Variants in ZNF740 observed in about 807,000 individuals in gnomAD.
ZNF740 encodes zinc finger protein 740.
A neutral mutation model predicts 24.8 loss-of-function variants in ZNF740; 14 were observed. That is an observed-to-expected ratio of 0.56 (90% CI 0.37 to 0.88). The LOEUF (loss-of-function observed/expected upper bound fraction) is 0.88. Among genes scored for constraint, ZNF740 ranks in the 40% least tolerant of loss-of-function variants. The pLI is 0.00. For synonymous variants in ZNF740, 69 were observed against 84.0 expected, an observed-to-expected ratio of 0.82 and a Z score of 0.98; for missense variants, 201 against 247.9, an observed-to-expected ratio of 0.81 and a Z score of 1.27.
Position 53,184,968 on chromosome 12 carries a change from C to G in ZNF740, c.87C>G (p.Ser29Arg), listed in dbSNP as rs377728464. The G allele has an allele frequency of 8.7e-6, 14 of 1,614,006 alleles. No homozygotes were observed. Among genetic ancestry groups the G allele is most frequent in the Non-Finnish European group, 1.1e-5 (13 of 1,179,894 alleles). The change falls in exon 3 of 7, where the codon AGC becomes AGG. Residue 29 changes from serine (S) to arginine (R), a missense_variant. Physicochemically the swap from Ser to Arg is moderately radical, Grantham distance 110. Coordinates refer to ENST00000416904, the MANE Select transcript of ZNF740 (RefSeq NM_001004304.4). ...PTAASKKMML[S>R]QIASKQAENG... The stretch of plus-strand genomic sequence containing the variant: ...CAGCCAGCAAGAAGATGATGCTGAG[C>G]CAGATTGCCAGCAAGCAGGCCGAGA...
At chr12:53,181,521 G>T in intron 1 of ZNF740, 156 bp from the exon 2 acceptor site, 3 of 984,058 alleles carry the variant, frequency 3.0e-6, no homozygotes, top group Non-Finnish European at 3.6e-6. Flanking sequence ...CAGGAGACCA[G>T]TTCCTCCTAT....
rs989532013 is a variant in ZNF740 at position 53,192,983 on chromosome 12, C to T, written c.*5393C>T. ...GTTGGCCATCATGTGGCACGACAAG[C>T]CCACGCATCCAATCTTTTTGAAGTA... On this transcript the variant is annotated 3_prime_UTR_variant, in exon 7 of 7. Transcript: ENST00000416904. The T allele has an allele frequency of 8.2e-6, 12 of 1,469,948 alleles. No homozygotes were observed. Among genetic ancestry groups the T allele is most frequent in the Admixed American group, 1.8e-5 (1 of 55,694 alleles). The allele number at this position is 1,469,948 out of a possible 1,614,324, so 91.1% of individuals were successfully genotyped here.
Position 53,191,858 on chromosome 12 carries a change from C to T in ZNF740, c.*4268C>T. On this transcript the variant is annotated 3_prime_UTR_variant, in exon 7 of 7. Coordinates refer to ENST00000416904, the MANE Select transcript of ZNF740 (RefSeq NM_001004304.4). ...GGGGCCTAACCAGGAAGTCTCCTCA[C>T]CTGCTTCCAGTTGAGTTGTTGCTGC... is the stretch of plus-strand genomic sequence containing the variant. 3 of 1,613,592 alleles carry T rather than the reference C, an allele frequency of 1.9e-6. No homozygotes were observed. Among genetic ancestry groups the T allele is most frequent in the Non-Finnish European group, 2.5e-6 (3 of 1,179,952 alleles).
intron 2 of ZNF740, 128 bp from the exon 3 acceptor site, chr12:53,184,763 T>C (rs2121528735): frequency 1.8e-6 from 2 of 1,090,918 alleles, no homozygotes. Context: ...GCTTTGGCAG[T>C]GAGGAGGGAC....
rs1297383104 is a variant in ZNF740, at chr12:53,188,885, CG to C, written c.*1298del. ...CCTTGTCCACTCCCAAAAAAGTAAT[CG>C]GGTGTGTGTGTGTGTGTGAGAGAGA... On this transcript the variant is annotated 3_prime_UTR_variant, in exon 7 of 7. Coordinates refer to ENST00000416904, the MANE Select transcript of ZNF740 (RefSeq NM_001004304.4). 2.0e-5 allele frequency: 3 copies of C among 151,958 alleles called. No homozygotes were observed. The highest frequency in any genetic ancestry group is 7.3e-5 in the African/African-American group (3 of 41,300). The allele number at this position is 151,958 out of a possible 1,614,324, so 9.4% of individuals were successfully genotyped here. A position where few individuals can be genotyped will look rare whatever the true frequency, so the allele number is the denominator to read the frequency against.
rs758172438 is a variant in ZNF740, at chr12:53,180,727, C to T, written c.-418C>T. ...ACGGGCCGGGGTTGGTGTTTGTAAA[C>T]TTGCCTCGGTCCCGGTGGGGGCAGC... On this transcript the variant is annotated 5_prime_UTR_variant, in exon 1 of 7. Coordinates refer to ENST00000416904, the MANE Select transcript of ZNF740 (RefSeq NM_001004304.4). 2 of 1,264,376 alleles carry T rather than the reference C, an allele frequency of 1.6e-6. No homozygotes were observed. The highest frequency in any genetic ancestry group is 1.3e-5 in the South Asian group (1 of 78,336). 78.3% of individuals were successfully genotyped at this position (1,264,376 alleles called of 1,614,324 possible).
At chr12:53,184,455 G>A (rs1020180939) in intron 2 of ZNF740, among the ~76,000 whole-genome samples, 1 of 152,130 alleles carries the variant, frequency 6.6e-6, no homozygotes, top group African/African-American at 2.4e-5. Context: ...CAAAGTGCTG[G>A]GATTATAGGT....
At chr12:53,181,476 A>C in intron 1 of ZNF740, 3 of 985,308 alleles carry the variant, frequency 3.0e-6, no homozygotes, top group Non-Finnish European at 3.6e-6. Flanking sequence ...GGAGGCCCCA[A>C]TTACTTTTGC....
chr12:53,184,150 TGCGCGCGCGCGCTCTGAAGCTAAGGG>T lies in ZNF740; in HGVS notation c.10-739_10-714del, dbSNP rs1941771677. 1.1e-4 allele frequency among the ~76,000 whole-genome samples: 12 copies of T among 104,378 alleles called. No homozygotes were observed. In the South Asian group the frequency reaches 1.2e-3, roughly 10 times the overall value. 68.5% of individuals were successfully genotyped at this position (104,378 alleles called of 152,430 possible). ...GTGTGTGTGTGTGTGTGTGTGTGTG[TGCGCGCGCGCGCTCTGAAGCTAAGGG>T]GTGTGTGTGTGTGTGTGTGTGTGTG... On this transcript the variant is annotated intron_variant, in intron 2 of 6. Coordinates refer to ENST00000416904, the MANE Select transcript of ZNF740 (RefSeq NM_001004304.4).
In ZNF740 at chr12:53,191,794, G is replaced by A. The variant is rs1941955828; in HGVS notation, c.*4204G>A. On this transcript the variant is annotated 3_prime_UTR_variant, in exon 7 of 7. Transcript: ENST00000416904. ...AGGGGCTGGGGGAACCCAGTGGGAG[G>A]AATCAGGGCTGGTCTTGTGGTGGGG... 1 of 1,599,148 alleles carries A rather than the reference G, an allele frequency of 6.3e-7. No individual in the cohort carries two copies. Among genetic ancestry groups the A allele is most frequent in the Non-Finnish European group, 8.6e-7 (1 of 1,167,492 alleles).
rs1942079937 is a variant in ZNF740, at chr12:53,194,291, G to A, written c.*6701G>A. 1.2e-6 allele frequency: 2 copies of A among 1,613,882 alleles called. No individual in the cohort carries two copies. The highest frequency in any genetic ancestry group is 1.7e-6 in the Non-Finnish European group (2 of 1,179,960). On this transcript the variant is annotated 3_prime_UTR_variant, in exon 7 of 7. Transcript: ENST00000416904. ...CCTCACACTGGGATTCGTAAGAAAT[G>A]TGGACCCCAGGAGGGAGTGAAGAGT...
chr12:53,192,884 A>G lies in ZNF740; in HGVS notation c.*5294A>G, dbSNP rs764579463. On this transcript the variant is annotated 3_prime_UTR_variant, in exon 7 of 7. Coordinates refer to ENST00000416904, the MANE Select transcript of ZNF740 (RefSeq NM_001004304.4). The stretch of plus-strand genomic sequence containing the variant: ...CCCGTGCGGTTGGCATGACAGTGAC[A>G]TACTCCACATTGGCAGCGACCAAAG... 4 of 1,614,040 alleles carry G rather than the reference A, an allele frequency of 2.5e-6. No individual in the cohort carries two copies. The highest frequency in any genetic ancestry group is 1.7e-5 in the Admixed American group (1 of 60,006).
Position 53,193,622 on chromosome 12 carries a change from G to T in ZNF740, c.*6032G>T. On this transcript the variant is annotated 3_prime_UTR_variant, in exon 7 of 7. Coordinates refer to ENST00000416904, the MANE Select transcript of ZNF740 (RefSeq NM_001004304.4). Reference sequence around the variant, plus strand: ...CGGGATGTCGAGGAGACTCCTGTGGGGGGGATGGAAAGCAGCGGAGGAATA... The same window carrying T: ...CGGGATGTCGAGGAGACTCCTGTGGTGGGGATGGAAAGCAGCGGAGGAATA... The T allele has an allele frequency of 8.3e-7, 1 of 1,203,066 alleles. No homozygotes were observed. The highest frequency in any genetic ancestry group is 1.2e-6 in the Non-Finnish European group (1 of 859,792). The allele number at this position is 1,203,066 out of a possible 1,614,324, so 74.5% of individuals were successfully genotyped here. A position where few individuals can be genotyped will look rare whatever the true frequency, so the allele number is the denominator to read the frequency against.
At position 53,187,880 on chromosome 12, in the gene ZNF740, A is replaced by G; in HGVS notation, c.*290A>G. On this transcript the variant is annotated 3_prime_UTR_variant, in exon 7 of 7. Coordinates refer to ENST00000416904, the MANE Select transcript of ZNF740 (RefSeq NM_001004304.4). Reference sequence around the variant, plus strand: ...AGGTGGGGACTCAAGGTACAGGACCAAGACTGAAGTGTGGCTCCCACAACC... The same window carrying G: ...AGGTGGGGACTCAAGGTACAGGACCGAGACTGAAGTGTGGCTCCCACAACC... 1 of 372,054 alleles carries G rather than the reference A, an allele frequency of 2.7e-6. No homozygotes were observed. Among genetic ancestry groups the G allele is most frequent in the Non-Finnish European group, 5.0e-6 (1 of 201,098 alleles). The allele number at this position is 372,054 out of a possible 1,614,324, so 23.0% of individuals were successfully genotyped here.
At position 53,193,901 on chromosome 12, in the gene ZNF740, C is replaced by A. The variant is rs1201130535; in HGVS notation, c.*6311C>A. On this transcript the variant is annotated 3_prime_UTR_variant, in exon 7 of 7. Coordinates refer to ENST00000416904, the MANE Select transcript of ZNF740 (RefSeq NM_001004304.4). ...GCTTGGAGAGAAACCCAGAAAGTCACCTGAGAAGAGGCAGGAATCAGGCCA... is the reference window on the plus strand; with the variant it reads ...GCTTGGAGAGAAACCCAGAAAGTCAACTGAGAAGAGGCAGGAATCAGGCCA... The A allele has an allele frequency of 6.2e-7, 1 of 1,611,102 alleles. No individual in the cohort carries two copies. Among genetic ancestry groups the A allele is most frequent in the Non-Finnish European group, 8.5e-7 (1 of 1,178,546 alleles).
Position 53,192,911 on chromosome 12 carries a change from C to T in ZNF740, c.*5321C>T. 1 of 1,613,828 alleles carries T rather than the reference C, an allele frequency of 6.2e-7. No individual in the cohort carries two copies. The highest frequency in any genetic ancestry group is 8.5e-7 in the Non-Finnish European group (1 of 1,179,822). On this transcript the variant is annotated 3_prime_UTR_variant, in exon 7 of 7. Coordinates refer to ENST00000416904, the MANE Select transcript of ZNF740 (RefSeq NM_001004304.4). ...ACTCCACATTGGCAGCGACCAAAGC[C>T]TGGGGTAGAGCCATGCAGAGGGTGA...
At chr12:53,186,332 G>T in intron 5 of ZNF740, 59 bp from the exon 6 acceptor site, 1 of 1,442,250 alleles carries the variant, frequency 6.9e-7, no homozygotes, top group Non-Finnish European at 9.5e-7. Flanking sequence ...GAGAAAACTG[G>T]AATGAGGTCC....
chr12:53,192,232 A>T lies in ZNF740; in HGVS notation c.*4642A>T. The T allele has an allele frequency of 7.4e-7, 1 of 1,351,356 alleles. No homozygotes were observed. Among genetic ancestry groups the T allele is most frequent in the Non-Finnish European group, 1.0e-6 (1 of 963,202 alleles). 83.7% of individuals were successfully genotyped at this position (1,351,356 alleles called of 1,614,324 possible). A position where few individuals can be genotyped will look rare whatever the true frequency, so the allele number is the denominator to read the frequency against. ...TGTCCTGGATTCACAGTTCTGCTTC[A>T]GCCCCCAGCCTGTTTCCCATTATCT... On this transcript the variant is annotated 3_prime_UTR_variant, in exon 7 of 7. Transcript: ENST00000416904.
chr12:53,185,336 A>G, intron 3 of ZNF740, 51 bp from the exon 4 acceptor site: 3 of 1,588,924 alleles, frequency 1.9e-6, no homozygotes, highest in Non-Finnish European at 2.6e-6. Context: ...ATTGGGTCTC[A>G]TCTCATGTTC....
Sources: allele counts gnomAD v4.1 joint callset (sites outside exome capture counted in the v4.1 genomes callset), GRCh38; gene constraint gnomAD v4.1.1; transcripts MANE v1.5; gene names NCBI Gene and HGNC (gene_info 2026-07-23, HGNC 2026-07-21).